Variants in FABP12 observed in about 807,000 individuals in gnomAD.
The protein encoded by FABP12 is fatty acid-binding protein 12.
A neutral mutation model predicts 13.7 loss-of-function variants in FABP12; 19 were observed. The observed-to-expected ratio is 1.39, with a 90% CI of 0.97 to 2.04. FABP12 has a LOEUF of 2.04. FABP12 is among the 30% of genes most tolerant of loss of function. FABP12 has a pLI of 0.00. For synonymous variants in FABP12, 61 were observed against 57.0 expected, an observed-to-expected ratio of 1.07 and a Z score of -0.32; for missense variants, 182 against 164.2, an observed-to-expected ratio of 1.11 and a Z score of -0.59.
chr8:81,527,426 G>T (rs971643387), intron 3 of FABP12, among the ~76,000 whole-genome samples: 1 of 151,926 alleles, frequency 6.6e-6, no homozygotes, highest in African/African-American at 2.4e-5. Flanking sequence ...GCAATGGTGC[G>T]ATCTTGGCTC....
chr8:81,577,217 A>G (rs1417650402), intron 1 of FABP12, among the ~76,000 whole-genome samples: 3 of 152,210 alleles, frequency 2.0e-5, no homozygotes, highest in African/African-American at 7.2e-5. Context: ...CCTGTGGCAC[A>G]CAGCACACCA....
intron 1 of FABP12, among the ~76,000 whole-genome samples, chr8:81,579,588 GC>G (rs1391521189): frequency 6.6e-6 from 1 of 152,076 alleles, no homozygotes; most frequent in Non-Finnish European, 1.5e-5. Context: ...CACTTGCTAA[GC>G]TTCTTTCAGA....
intron 1 of FABP12, among the ~76,000 whole-genome samples, chr8:81,540,984 A>G (rs1445090239): frequency 6.6e-6 from 1 of 151,986 alleles, no homozygotes; most frequent in Non-Finnish European, 1.5e-5. Context: ...TGGCCAAGAT[A>G]GTGAAACCTC....
chr8:81,547,616 G>A (rs1222019011), intron 1 of FABP12, among the ~76,000 whole-genome samples: 5 of 152,170 alleles, frequency 3.3e-5, no homozygotes, highest in Admixed American at 1.3e-4. Context: ...AATCCACAAA[G>A]CCAACAATTA....
intron 1 of FABP12, among the ~76,000 whole-genome samples, chr8:81,556,352 C>T (rs1809615464): frequency 6.6e-6 from 1 of 152,068 alleles, no homozygotes; most frequent in Admixed American, 6.6e-5. Context: ...TTAAAAATAC[C>T]TTCATTGACT....
intron 1 of FABP12, among the ~76,000 whole-genome samples, chr8:81,559,828 G>C (rs553375236): frequency 6.6e-6 from 1 of 152,292 alleles, no homozygotes; most frequent in East Asian, 1.9e-4. Context: ...AGGATGAAGT[G>C]ATCAACCTCT....
At chr8:81,547,097 G>A (rs565238425) in intron 1 of FABP12, among the ~76,000 whole-genome samples, 5 of 152,328 alleles carry the variant, frequency 3.3e-5, no homozygotes, top group South Asian at 2.1e-4. Context: ...GAAGAAAAGC[G>A]GAAGTTGAAT....
chr8:81,554,062 C>T (rs894647693), intron 1 of FABP12, among the ~76,000 whole-genome samples: 4 of 152,132 alleles, frequency 2.6e-5, no homozygotes, highest in African/African-American at 9.7e-5. Context: ...TGCAACCACA[C>T]AGTGTATCAA....
At chr8:81,548,974 A>G (rs933516875) in intron 1 of FABP12, among the ~76,000 whole-genome samples, 2 of 152,190 alleles carry the variant, frequency 1.3e-5, no homozygotes, top group Non-Finnish European at 1.5e-5. Flanking sequence ...ACAGACGTTG[A>G]CTAAAGCAGA....
Position 81,530,925 on chromosome 8 carries a change from G to A in FABP12, c.73+318C>T, listed in dbSNP as rs1439621988. ...AATCTACTCTGAACTTTATTCTGAAGATCCCCTAAAGCTTAGAGCAAACAT... is the reference window on the plus strand; with the variant it reads ...AATCTACTCTGAACTTTATTCTGAAAATCCCCTAAAGCTTAGAGCAAACAT... On this transcript the variant is annotated intron_variant, in intron 2 of 4. Transcript: ENST00000360464. 2.0e-5 allele frequency among the ~76,000 whole-genome samples: 3 copies of A among 152,152 alleles called. No homozygotes were observed. The South Asian group carries it at 6.2e-4, about 32-fold the overall frequency.
intron 1 of FABP12, among the ~76,000 whole-genome samples, chr8:81,549,824 T>TA (rs1740032222): frequency 6.6e-6 from 1 of 152,214 alleles, no homozygotes; most frequent in Non-Finnish European, 1.5e-5. Flanking sequence ...TCAAATGATT[T>TA]AAACAAAGAA....
intron 1 of FABP12, among the ~76,000 whole-genome samples, chr8:81,570,101 A>G (rs1278093026): frequency 2.0e-5 from 3 of 152,342 alleles, no homozygotes; most frequent in East Asian, 3.9e-4. Flanking sequence ...GCAAGGCTGC[A>G]GCTGGACCCG....
intron 1 of FABP12, among the ~76,000 whole-genome samples, chr8:81,551,815 T>C (rs1184012549): frequency 6.6e-6 from 1 of 152,144 alleles, no homozygotes; most frequent in Non-Finnish European, 1.5e-5. Context: ...TCAATAGGGA[T>C]AACACTATGT....
intron 1 of FABP12, among the ~76,000 whole-genome samples, chr8:81,561,297 C>G (rs1809720601): frequency 6.6e-6 from 1 of 152,058 alleles, no homozygotes. Context: ...ATAGATTGGT[C>G]CAAGCTTAAG....
intron 1 of FABP12, among the ~76,000 whole-genome samples, chr8:81,533,561 G>C (rs1317098079): frequency 1.3e-5 from 2 of 152,156 alleles, no homozygotes; most frequent in Non-Finnish European, 2.9e-5. Context: ...CCATTGATAT[G>C]ATTTTCCTTA....
At chr8:81,544,968 A>C (rs993055334) in intron 1 of FABP12, among the ~76,000 whole-genome samples, 3 of 152,178 alleles carry the variant, frequency 2.0e-5, no homozygotes, top group African/African-American at 7.2e-5. Flanking sequence ...TTTATGGCCA[A>C]TGGCGTAGAG....
chr8:81,566,017 A>C (rs907024174), intron 1 of FABP12, among the ~76,000 whole-genome samples: 1 of 152,088 alleles, frequency 6.6e-6, no homozygotes, highest in African/African-American at 2.4e-5. Flanking sequence ...TCAAAGGATC[A>C]TTATTGGCTA....
chr8:81,577,421 T>C (rs1483944867), intron 1 of FABP12, among the ~76,000 whole-genome samples: 1 of 152,252 alleles, frequency 6.6e-6, no homozygotes, highest in Non-Finnish European at 1.5e-5. Flanking sequence ...TCTTGGCCTT[T>C]AGCTGCTTTA....
intron 1 of FABP12, among the ~76,000 whole-genome samples, chr8:81,573,357 T>A (rs566773318): frequency 1.3e-5 from 2 of 152,228 alleles, no homozygotes; most frequent in African/African-American, 4.8e-5. Context: ...CATGGCCTTA[T>A]AGTATAGTTT....
Sources: allele counts gnomAD v4.1 joint callset (sites outside exome capture counted in the v4.1 genomes callset), GRCh38; gene constraint gnomAD v4.1.1; transcripts MANE v1.5; gene names NCBI Gene and HGNC (gene_info 2026-07-23, HGNC 2026-07-21).